The following ANO4 variants were observed in gnomAD, a reference collection of about 807,000 sequenced individuals.
ANO4 encodes anoctamin-4.
A neutral mutation model predicts 141.9 loss-of-function variants in ANO4; 69 were observed. The observed-to-expected ratio is 0.49, with a 90% CI of 0.40 to 0.59. The LOEUF is 0.59. Among genes scored for constraint, ANO4 ranks in the 20% least tolerant of loss-of-function variants. The pLI is 0.00. For missense variants in ANO4, 894 were observed against 1,162.2 expected (o/e 0.77, Z 3.36); for synonymous variants, 350 against 394.3 (o/e 0.89, Z 1.33).
At chr12:101,114,196 C>G (rs978719296) in intron 24 of ANO4, among the ~76,000 whole-genome samples, 1 of 152,240 alleles carries the variant, frequency 6.6e-6, no homozygotes, top group African/African-American at 2.4e-5. Flanking sequence ...TTGACACTTG[C>G]ATGCCACTAG....
chr12:100,889,475 G>A (rs1414599630), intron 1 of ANO4, among the ~76,000 whole-genome samples: 2 of 152,028 alleles, frequency 1.3e-5, no homozygotes, highest in East Asian at 3.9e-4. Flanking sequence ...CACAATGGTT[G>A]AACTAGTTTA....
chr12:100,792,076 G>A (rs917840414), upstream of ANO4, among the ~76,000 whole-genome samples: 6 of 151,858 alleles, frequency 4.0e-5, no homozygotes, highest in South Asian at 2.1e-4. Flanking sequence ...CTACCCTCTC[G>A]GTGGTCTGGA....
At chr12:100,898,169 C>T (rs575132313) in intron 1 of ANO4, among the ~76,000 whole-genome samples, 8 of 152,234 alleles carry the variant, frequency 5.3e-5, no homozygotes, top group African/African-American at 1.4e-4. Flanking sequence ...TGATCAATAT[C>T]GAGTGTGGTG....
intron 13 of ANO4, among the ~76,000 whole-genome samples, chr12:101,047,548 T>A (rs892333090): frequency 6.6e-5 from 10 of 152,184 alleles, no homozygotes; most frequent in African/African-American, 2.4e-4. Flanking sequence ...AACAATAAAG[T>A]ATACTTTATA....
At chr12:100,738,720 T>TTTAAG (rs1200807269) in intron 2 of ANO4, among the ~76,000 whole-genome samples, 3 of 151,962 alleles carry the variant, frequency 2.0e-5, no homozygotes, top group African/African-American at 7.2e-5. Flanking sequence ...CACAACATAA[T>TTTAAG]GTCTTGGTAT....
At chr12:100,826,530 C>T (rs1434827152) in intron 1 of ANO4, among the ~76,000 whole-genome samples, 1 of 151,992 alleles carries the variant, frequency 6.6e-6, no homozygotes, top group Non-Finnish European at 1.5e-5. Context: ...TGGGTGCTGT[C>T]CATGGTACTG....
intron 2 of ANO4, among the ~76,000 whole-genome samples, chr12:100,919,726 G>GTGTATGTATGTA (rs201155811): frequency 9.8e-4 from 129 of 132,128 alleles, no homozygotes; most frequent in Non-Finnish European, 1.7e-3. Flanking sequence ...GTATGTATGT[G>GTGTATGTATGTA]TGTATGTATG....
In ANO4 at chr12:101,120,509, T is replaced by G. The variant is rs2051042403; in HGVS notation, c.2571-11T>G. 1 of 1,608,320 alleles carries G rather than the reference T, an allele frequency of 6.2e-7. No individual in the cohort carries two copies. The highest frequency in any genetic ancestry group is 8.5e-7 in the Non-Finnish European group (1 of 1,175,208). On this transcript the variant is annotated splice_polypyrimidine_tract_variant and intron_variant, in intron 25 of 27. Coordinates refer to ENST00000392977, the MANE Select transcript of ANO4 (RefSeq NM_001286615.2). The stretch of plus-strand genomic sequence containing the variant: ...ATAGTTTGAATGCAACATTTTTCTG[T>G]GTCTTTATAGATACCGGGACTACCG...
chr12:100,864,973 T>C (rs1383890830), intron 1 of ANO4, among the ~76,000 whole-genome samples: 3 of 152,160 alleles, frequency 2.0e-5, no homozygotes, highest in Non-Finnish European at 4.4e-5. Flanking sequence ...TTGCTGAGAA[T>C]GGTTTTCAGC....
chr12:101,070,121 C>G, intron 14 of ANO4, among the ~76,000 whole-genome samples: 1 of 151,956 alleles, frequency 6.6e-6, no homozygotes, highest in East Asian at 1.9e-4. Context: ...AATGCAATCC[C>G]TATAAAAATA....
intron 1 of ANO4, among the ~76,000 whole-genome samples, chr12:100,727,010 C>A (rs2031161658): frequency 7.2e-6 from 1 of 139,270 alleles, no homozygotes; most frequent in South Asian, 2.6e-4. Context: ...TTTTTATCAT[C>A]ACAGATTAGG....
intron 6 of ANO4, among the ~76,000 whole-genome samples, chr12:100,972,883 A>C (rs2043991538): frequency 6.6e-6 from 1 of 152,212 alleles, no homozygotes; most frequent in South Asian, 2.1e-4. Flanking sequence ...TGGTAATGCA[A>C]AGCCAATTCT....
chr12:100,764,725 A>C (rs981934651), intron 3 of ANO4, among the ~76,000 whole-genome samples: 7 of 152,212 alleles, frequency 4.6e-5, no homozygotes, highest in African/African-American at 1.7e-4. Context: ...GTCACCTGGT[A>C]ATTACCTTAG....
chr12:101,102,203 T>C (rs2050220124), intron 22 of ANO4, among the ~76,000 whole-genome samples: 1 of 152,234 alleles, frequency 6.6e-6, no homozygotes, highest in African/African-American at 2.4e-5. Flanking sequence ...ACATGTATTT[T>C]GATTAACATA....
At chr12:100,897,385 C>T (rs1263267443) in intron 1 of ANO4, among the ~76,000 whole-genome samples, 2 of 152,210 alleles carry the variant, frequency 1.3e-5, no homozygotes, top group African/African-American at 4.8e-5. Flanking sequence ...AAATGAAAAA[C>T]TTGCTGCACA....
chr12:100,872,525 A>G (rs1048698663), intron 1 of ANO4, among the ~76,000 whole-genome samples: 2 of 152,212 alleles, frequency 1.3e-5, no homozygotes, highest in Admixed American at 6.5e-5. Flanking sequence ...TGGGATTAAC[A>G]TACGTTTTCA....
intron 16 of ANO4, 109 bp from the exon 17 acceptor site, chr12:101,086,551 C>T: frequency 8.3e-7 from 1 of 1,202,758 alleles, no homozygotes; most frequent in Non-Finnish European, 1.2e-6. Flanking sequence ...TTGAGCAGTA[C>T]TGCCATGGTG....
intron 1 of ANO4, among the ~76,000 whole-genome samples, chr12:100,856,071 A>T (rs191263988): frequency 7.9e-5 from 12 of 152,266 alleles, no homozygotes; most frequent in African/African-American, 2.6e-4. Context: ...TAACGGAGAA[A>T]CAGCCAGAGG....
rs146129069 is a variant in ANO4 at position 100,914,486 on chromosome 12, A to T, written c.56-7740A>T. Among the ~76,000 whole-genome samples, 1,046 of 152,328 alleles carry T rather than the reference A, an allele frequency of 6.9e-3. 12 individuals are homozygous for T. Among genetic ancestry groups the T allele is most frequent in the Middle Eastern group, 0.014 (4 of 294 alleles). Reference sequence around the variant, plus strand: ...TTCTGTAAAAGAATGAACTTACAACATCATAAGATTTATGGTTTTACACAA... The same window carrying T: ...TTCTGTAAAAGAATGAACTTACAACTTCATAAGATTTATGGTTTTACACAA... On this transcript the variant is annotated intron_variant, in intron 2 of 27. Coordinates refer to ENST00000392977, the MANE Select transcript of ANO4 (RefSeq NM_001286615.2).
Sources: gnomAD v4.1 joint callset for allele counts (sites outside exome capture counted in the v4.1 genomes callset) on GRCh38, gnomAD v4.1.1 for gene constraint, MANE v1.5 for transcripts, NCBI Gene and HGNC (gene_info 2026-07-23, HGNC 2026-07-21) for gene names.